COL6A2: variants seen among roughly 807,000 people sequenced by gnomAD.
COL6A2 encodes collagen type VI alpha 2 chain.
Under a neutral mutation model 124.9 loss-of-function variants are expected in COL6A2, and 90 were observed. The observed-to-expected ratio is 0.72, with a 90% CI of 0.61 to 0.86. COL6A2 has a LOEUF of 0.86. COL6A2 is among the 40% of genes least tolerant of loss of function. The pLI, the probability that COL6A2 is intolerant of heterozygous loss-of-function variation, is 0.00. For missense variants in COL6A2, 1,607 were observed against 1,502.5 expected (o/e 1.07, Z -1.15); for synonymous variants, 793 against 618.2 (o/e 1.28, Z -4.19).
At chr21:46,100,915 C>T (rs931897592) in intron 1 of COL6A2, among the ~76,000 whole-genome samples, 1 of 152,170 alleles carries the variant, frequency 6.6e-6, no homozygotes, top group Non-Finnish European at 1.5e-5. Context: ...GAGTATGTTC[C>T]CAGAAGTGGA....
At chr21:46,131,613 A>C (rs1396402702) in intron 27 of COL6A2, among the ~76,000 whole-genome samples, 2 of 152,102 alleles carry the variant, frequency 1.3e-5, no homozygotes, top group Non-Finnish European at 2.9e-5. Context: ...GTGGGCAGCA[A>C]ATTCTTGAGC....
intron 21 of COL6A2, among the ~76,000 whole-genome samples, 188 bp downstream of exon 21, chr21:46,123,125 C>T (rs2078592934): frequency 6.7e-6 from 1 of 150,024 alleles, no homozygotes; most frequent in Non-Finnish European, 1.5e-5. Flanking sequence ...GCCTCCCTTC[C>T]AGCGTCCCCT....
chr21:46,119,054 C>G lies in COL6A2; in HGVS notation c.1204C>G (p.Pro402Ala). Residue 402 changes from proline to alanine, a missense_variant, in exon 14 of 28, where the codon CCA (proline) becomes GCA (alanine). By Grantham distance (27) the Pro-to-Ala change is conservative. Around this residue, in one of 3 missense-constraint regions of COL6A2, gnomAD observed 1,223 missense variants for 1,052.2 expected, o/e 1.16. Transcript: ENST00000300527. ...SKGYQGNSGA[P>A]GSPGVKGAKG... ...GGGGTATCAAGGCAACAGTGGAGCCCCAGGAAGTCCTGGTGTGAAAGGAGC... is the reference window on the plus strand; with the variant it reads ...GGGGTATCAAGGCAACAGTGGAGCCGCAGGAAGTCCTGGTGTGAAAGGAGC... 1 of 1,612,172 alleles carries G rather than the reference C, an allele frequency of 6.2e-7. No individual in the cohort carries two copies. Among genetic ancestry groups the G allele is most frequent in the East Asian group, 2.2e-5 (1 of 44,808 alleles).
intron 1 of COL6A2, among the ~76,000 whole-genome samples, chr21:46,102,952 G>C (rs2078302884): frequency 6.6e-6 from 1 of 152,162 alleles, no homozygotes; most frequent in African/African-American, 2.4e-5. Flanking sequence ...GAGTTAAATA[G>C]TGTTCCCTTC....
Position 46,115,905 on chromosome 21 carries a change from C to T in COL6A2, c.835C>T (p.Pro279Ser), listed in dbSNP as rs1254236577. Residue 279 changes from proline (P) to serine (S), a missense_variant, in exon 6 of 28, where the codon CCT (proline) becomes TCT (serine). By Grantham distance (74) the Pro-to-Ser change is moderately conservative. Transcript: ENST00000300527. ...GGGCAACATGGGTGAGCCGGGAGAG[C>T]CTGGCCAGAAGGGAAGACAGGTGAG... is the stretch of plus-strand genomic sequence containing the variant. ...AKGNMGEPGE[P>S]GQKGRQGDPG... 1 of 1,612,854 alleles carries T rather than the reference C, an allele frequency of 6.2e-7. No individual in the cohort carries two copies. Among genetic ancestry groups the T allele is most frequent in the South Asian group, 1.1e-5 (1 of 91,078 alleles).
At chr21:46,113,188 C>T (rs1489602648) in intron 4 of COL6A2, among the ~76,000 whole-genome samples, 1 of 152,102 alleles carries the variant, frequency 6.6e-6, no homozygotes, top group East Asian at 1.9e-4. Flanking sequence ...ATCCCCACCT[C>T]CCTGTGTGTC....
chr21:46,116,118 C>A lies in COL6A2; in HGVS notation c.900+65C>A. Reference sequence around the variant, plus strand: ...CCCCAGCACTGCCAGGCAGGCTCCCCCCAGCCCAGCCTCGGCCTCAGCCTC... The same window carrying A: ...CCCCAGCACTGCCAGGCAGGCTCCCACCAGCCCAGCCTCGGCCTCAGCCTC... On this transcript the variant is annotated intron_variant, in intron 7 of 27. Transcript: ENST00000300527. The surrounding 1 kb of genome is among the most constrained non-coding windows in gnomAD (Gnocchi z 4.6). 1 of 1,500,416 alleles carries A rather than the reference C, an allele frequency of 6.7e-7. No individual in the cohort carries two copies. Among genetic ancestry groups the A allele is most frequent in the Non-Finnish European group, 9.1e-7 (1 of 1,101,912 alleles). 92.9% of individuals were successfully genotyped at this position (1,500,416 alleles called of 1,614,324 possible). A position where few individuals can be genotyped will look rare whatever the true frequency, so the allele number is the denominator to read the frequency against.
At chr21:46,126,931 CG>C (rs2078679628) in intron 27 of COL6A2, among the ~76,000 whole-genome samples, 1 of 152,150 alleles carries the variant, frequency 6.6e-6, no homozygotes, top group Non-Finnish European at 1.5e-5. Context: ...GAAACCATCC[CG>C]GGGTGGAAGC....
At chr21:46,122,729 G>A in intron 20 of COL6A2, 146 bp from the exon 21 acceptor site, 1 of 890,334 alleles carries the variant, frequency 1.1e-6, no homozygotes, top group Non-Finnish European at 1.6e-6. Context: ...TTCAACCAAA[G>A]TTCAGGCTTT....
At chr21:46,119,886 T>C in intron 15 of COL6A2, 36 bp downstream of exon 15, 1 of 1,537,326 alleles carries the variant, frequency 6.5e-7, no homozygotes, top group Non-Finnish European at 8.8e-7. Flanking sequence ...AGGGTCTCAC[T>C]GTGGTGCCCA....
rs2078658273 is a variant in COL6A2, at chr21:46,125,950, A to C, written c.2135A>C (p.Asp712Ala). The C allele has an allele frequency of 6.2e-7, 1 of 1,612,794 alleles. No individual in the cohort carries two copies. The change falls in exon 26 of 28, where the codon GAC becomes GCC. Residue 712 changes from aspartate to alanine, a missense_variant. This residue lies in a region of COL6A2 where 1,223 missense variants were observed against 1,052.2 expected (regional missense o/e 1.16). Transcript: ENST00000300527. ...CCCTCAGCCCTCAAGTTTGCCTACG[A>C]CCGCCTCATCAAGGAGAGCCGGCGC... ...WTPSALKFAY[D>A]RLIKESRRQK... is the part of the protein sequence containing the mutation.
intron 4 of COL6A2, 168 bp from the exon 5 acceptor site, chr21:46,113,839 AC>A: frequency 7.2e-6 from 5 of 690,948 alleles, no homozygotes; most frequent in Non-Finnish European, 1.3e-5. Context: ...GCAGAGCCTC[AC>A]AGCACCCCAT....
intron 21 of COL6A2, among the ~76,000 whole-genome samples, chr21:46,124,097 G>A (rs1053849406): frequency 6.6e-6 from 1 of 151,300 alleles, no homozygotes; most frequent in Non-Finnish European, 1.5e-5. Context: ...GGTGGGTAGA[G>A]GATGGACGGA....
At chr21:46,129,882 C>T in intron 27 of COL6A2, 1 of 1,018,828 alleles carries the variant, frequency 9.8e-7, no homozygotes, top group Middle Eastern at 4.9e-4. Context: ...CTTTGGAGGC[C>T]CTTACTTAGC....
At chr21:46,129,007 C>CT in intron 27 of COL6A2, 1 of 1,605,398 alleles carries the variant, frequency 6.2e-7, no homozygotes, top group Non-Finnish European at 8.5e-7. Context: ...CTTCCTGTCC[C>CT]TGTGCTCACT....
intron 1 of COL6A2, among the ~76,000 whole-genome samples, chr21:46,108,112 T>C (rs946707362): frequency 6.6e-6 from 1 of 151,676 alleles, no homozygotes; most frequent in Non-Finnish European, 1.5e-5. Context: ...ATATATTTTT[T>C]TTTCTCTTTT....
chr21:46,132,379 T>A lies in COL6A2; in HGVS notation c.2887T>A (p.Ser963Thr), dbSNP rs771847588. ...CGACAGTCTGCACGAGTCGGCGCAC[T>A]CCATGCGCAAGCAGAACGTGGTACC... ...GNDSLHESAH[S>T]MRKQNVVPTV... The change falls in exon 28 of 28, where the codon TCC becomes ACC. Residue 963 changes from serine to threonine, a missense_variant. Around this residue, in one of 3 missense-constraint regions of COL6A2, gnomAD observed 1,223 missense variants for 1,052.2 expected, o/e 1.16. Coordinates refer to ENST00000300527, the MANE Select transcript of COL6A2 (RefSeq NM_001849.4). 6.2e-7 allele frequency: 1 copy of A among 1,609,324 alleles called. No individual in the cohort carries two copies.
In COL6A2 at chr21:46,116,400, G is replaced by A. The variant is rs142674726; in HGVS notation, c.924G>A (p.Glu308=). The change falls in exon 8 of 28, where the codon GAG becomes GAA. Residue 308 remains glutamate (E), a synonymous_variant. Coordinates refer to ENST00000300527, the MANE Select transcript of COL6A2 (RefSeq NM_001849.4). The surrounding 1 kb of genome is among the most constrained non-coding windows in gnomAD (Gnocchi z 4.6). The stretch of plus-strand genomic sequence containing the variant: ...AGGGCGTTCCTGGCTTCAAAGGAGA[G>A]AAGGTGAGGCTCTTGCCCTGACAGA... ...GPKGVPGFKG[E]KGEFGADGRK... The A allele has an allele frequency of 4.3e-6, 7 of 1,612,876 alleles. No individual in the cohort carries two copies.
chr21:46,122,825 TGGTAGAGACAGCTCCTCTGTCCCA>T, intron 20 of COL6A2, 26 bp from the exon 21 acceptor site: 1 of 1,558,786 alleles, frequency 6.4e-7, no homozygotes, highest in Non-Finnish European at 8.8e-7. Flanking sequence ...CTGGTGTCCC[TGGTAGAGACAGCTCCTCTGTCCCA>T]GGCTAACATG....
Sources: allele counts gnomAD v4.1 joint callset (sites outside exome capture counted in the v4.1 genomes callset), GRCh38; gene constraint gnomAD v4.1.1; regional missense constraint gnomAD v4.1.1; non-coding constraint Gnocchi (gnomAD v3.1); transcripts MANE v1.5; gene names NCBI Gene and HGNC (gene_info 2026-07-23, HGNC 2026-07-21).